UBR4: variants seen among roughly 807,000 people sequenced by gnomAD.
UBR4 encodes the protein ubiquitin protein ligase E3 component n-recognin 4, also known as E3 ubiquitin-protein ligase UBR4.
Under a neutral mutation model 575.6 loss-of-function variants are expected in UBR4, and 124 were observed. The ratio of observed to expected loss-of-function variants is 0.22; its 90% CI spans 0.19 to 0.25. UBR4 has a LOEUF of 0.25. UBR4 is among the 10% of genes least tolerant of loss of function. The probability of loss-of-function intolerance (pLI) is 1.00; values close to 1 mark genes in which losing one functional copy is unlikely to be tolerated. For missense variants in UBR4, 4,818 were observed against 6,478.8 expected (o/e 0.74, Z 8.80); for synonymous variants, 2,455 against 2,473.7 (o/e 0.99, Z 0.22).
chr1:19,145,508 GACACACAC>G (rs555050832), intron 53 of UBR4, among the ~76,000 whole-genome samples: 26,695 of 145,074 alleles, frequency 0.18, 2,885 homozygotes, highest in East Asian at 0.25. Flanking sequence ...AAACCACTGA[GACACACAC>G]ACACACACAC....
In UBR4 at chr1:19,126,608, A is replaced by C; in HGVS notation, c.9276T>G (p.Ser3092=). 8 of 1,614,084 alleles carry C rather than the reference A, an allele frequency of 5.0e-6. No homozygotes were observed. The highest frequency in any genetic ancestry group is 6.8e-6 in the Non-Finnish European group (8 of 1,180,028). ...CGTGCAGGCAGTAGTCCACAGCCCC[A>C]GAGCTCAGTAGAGCTGCTGCTGTGG... ...SSATAAALLS[S]GAVDYCLHVL... The change falls in exon 64 of 106, where the codon TCT becomes TCG. Residue 3092 remains serine, a synonymous_variant. Transcript: ENST00000375254.
Position 19,152,529 on chromosome 1 carries a change from A to G in UBR4, c.6833-53T>C. ...GAGTCTCTCCCACCTCTGCCCCAAC[A>G]CCACTGGTAAAGACTCCTCCCAGAC... On this transcript the variant is annotated intron_variant, in intron 46 of 105. Coordinates refer to ENST00000375254, the MANE Select transcript of UBR4 (RefSeq NM_020765.3). The surrounding 1 kb of genome is among the most constrained non-coding windows in gnomAD (Gnocchi z 4.4). 1.2e-6 allele frequency: 2 copies of G among 1,607,598 alleles called. No homozygotes were observed. Among genetic ancestry groups the G allele is most frequent in the Non-Finnish European group, 1.7e-6 (2 of 1,176,690 alleles).
intron 101 of UBR4, among the ~76,000 whole-genome samples, chr1:19,085,685 C>T (rs188488101): frequency 5.5e-4 from 84 of 152,286 alleles, no homozygotes; most frequent in African/African-American, 1.8e-3. Flanking sequence ...CTCACAGATG[C>T]TTTAGCTATT....
At chr1:19,165,522 A>T in intron 30 of UBR4, 134 bp downstream of exon 30, 1 of 1,079,652 alleles carries the variant, frequency 9.3e-7, no homozygotes, top group Non-Finnish European at 1.3e-6. Context: ...GTCAGCAATT[A>T]ACTCCCCAAA....
At chr1:19,163,560 C>T (rs1031187790) in intron 34 of UBR4, among the ~76,000 whole-genome samples, 29 of 152,186 alleles carry the variant, frequency 1.9e-4, no homozygotes, top group African/African-American at 6.8e-4. Flanking sequence ...AGTATATTTC[C>T]TTCCCATCAC....
intron 65 of UBR4, 42 bp from the exon 66 acceptor site, chr1:19,123,102 CTG>C (rs368882007): frequency 6.9e-6 from 11 of 1,596,328 alleles, no homozygotes; most frequent in African/African-American, 5.4e-5. Flanking sequence ...GACTCTGGGA[CTG>C]TATCTATATC....
chr1:19,126,414 C>T (rs183938472), intron 64 of UBR4, 32 bp downstream of exon 64: 94 of 1,612,548 alleles, frequency 5.8e-5, no homozygotes, highest in South Asian at 2.6e-4. Context: ...GAACAAAGGA[C>T]GAGTGTTTCT....
In UBR4 at chr1:19,183,863, T is replaced by C. The variant is rs1391226395; in HGVS notation, c.2132A>G (p.Tyr711Cys). 48 of 1,614,160 alleles carry C rather than the reference T, an allele frequency of 3.0e-5. No individual in the cohort carries two copies. Among genetic ancestry groups the C allele is most frequent in the Non-Finnish European group, 4.0e-5 (47 of 1,180,034 alleles). Residue 711 changes from tyrosine to cysteine, a missense_variant, in exon 17 of 106, where the codon TAT becomes TGT. Physicochemically the swap from Tyr to Cys is radical, Grantham distance 194. Coordinates refer to ENST00000375254, the MANE Select transcript of UBR4 (RefSeq NM_020765.3). The part of the protein sequence containing the change: ...SSDEEFAAAL[Y>C]HFNHSLVTSD... The stretch of plus-strand genomic sequence containing the variant: ...GGTTACCAGTGAGTGGTTGAAGTGA[T>C]AGAGAGCTGCAGCAAACTCTTCATC...
chr1:19,184,989 T>A (rs1571593253), intron 15 of UBR4, 110 bp downstream of exon 15: 1 of 1,347,452 alleles, frequency 7.4e-7, no homozygotes, highest in Non-Finnish European at 1.0e-6. Context: ...AAAATATCTT[T>A]AAACATTACA....
Position 19,164,917 on chromosome 1 carries a change from G to C in UBR4, c.4393C>G (p.Gln1465Glu). Residue 1465 changes from glutamine (Q) to glutamate (E), a missense_variant, in exon 32 of 106, where the codon CAG (glutamine) becomes GAG (glutamate). Coordinates refer to ENST00000375254, the MANE Select transcript of UBR4 (RefSeq NM_020765.3). Reference protein sequence around the residue: ...QLACVEPVRLQAWLTRMTTSP... With the variant: ...QLACVEPVRLEAWLTRMTTSP... ...GTAGTCATGCGGGTGAGCCAGGCCTGCAGGCGCACAGGTTCCACACAGGCC... is the reference window on the plus strand; with the variant it reads ...GTAGTCATGCGGGTGAGCCAGGCCTCCAGGCGCACAGGTTCCACACAGGCC... 2.5e-5 allele frequency: 41 copies of C among 1,614,186 alleles called. No individual in the cohort carries two copies. Among genetic ancestry groups the C allele is most frequent in the Non-Finnish European group, 3.4e-5 (40 of 1,180,032 alleles).
At position 19,192,322 on chromosome 1, in the gene UBR4, G is replaced by A; in HGVS notation, c.1260C>T (p.Leu420=). 6.2e-7 allele frequency: 1 copy of A among 1,614,128 alleles called. No homozygotes were observed. The highest frequency in any genetic ancestry group is 1.1e-5 in the South Asian group (1 of 91,066). ...ACGCAGTAGGACTGAGGTTCAGTAT[G>A]AGGAAAAGGCTGTTTAACAAGCACC... ...GAWCLLNSLF[L]ILNLSPTALA... Residue 420 remains leucine, a synonymous_variant, in exon 11 of 106, where the codon CTC becomes CTT. Transcript: ENST00000375254.
At chr1:19,142,893 G>A (rs1220418590) in intron 55 of UBR4, among the ~76,000 whole-genome samples, 2 of 151,896 alleles carry the variant, frequency 1.3e-5, no homozygotes, top group South Asian at 2.1e-4. Flanking sequence ...AGGCCGAGGC[G>A]GGCGGATCAT....
rs762991464 is a variant in UBR4, at chr1:19,179,118, T to C, written c.2287A>G (p.Ile763Val). 2 of 1,614,018 alleles carry C rather than the reference T, an allele frequency of 1.2e-6. No individual in the cohort carries two copies. The highest frequency in any genetic ancestry group is 1.7e-6 in the Non-Finnish European group (2 of 1,179,986). ...TGAGCACTGGCTTTATGTTGCCAGATGAGCAGGAGGCGTGAAAGCACAGAG... is the reference window on the plus strand; with the variant it reads ...TGAGCACTGGCTTTATGTTGCCAGACGAGCAGGAGGCGTGAAAGCACAGAG... ...SLSVLSRLLL[I>V]WQHKASAQGD... Residue 763 changes from isoleucine to valine, a missense_variant, in exon 18 of 106, where the codon ATC (isoleucine) becomes GTC (valine). Physicochemically the swap from Ile to Val is conservative, Grantham distance 29. Around this residue, in one of 29 missense-constraint regions of UBR4, gnomAD observed 1,172 missense variants for 1,259.7 expected, o/e 0.93. Coordinates refer to ENST00000375254, the MANE Select transcript of UBR4 (RefSeq NM_020765.3).
At chr1:19,098,193 C>A (rs987303616) in intron 90 of UBR4, among the ~76,000 whole-genome samples, 1 of 152,170 alleles carries the variant, frequency 6.6e-6, no homozygotes, top group Admixed American at 6.5e-5. Context: ...GAAGTGTTTC[C>A]GGCTATAGAA....
chr1:19,082,002 G>A, intron 102 of UBR4: 2 of 580,158 alleles, frequency 3.4e-6, no homozygotes, highest in Admixed American at 3.1e-5. Context: ...AGATTCCCTG[G>A]TGGGTCCACA....
intron 102 of UBR4, 92 bp from the exon 103 acceptor site, chr1:19,081,665 T>C: frequency 1.4e-6 from 2 of 1,393,434 alleles, no homozygotes; most frequent in Non-Finnish European, 2.0e-6. Flanking sequence ...TGTCGTTGTC[T>C]TGTGACATTT....
chr1:19,116,346 A>G (rs78435691), intron 73 of UBR4, among the ~76,000 whole-genome samples: 26 of 152,264 alleles, frequency 1.7e-4, no homozygotes, highest in Middle Eastern at 3.4e-3. Context: ...ACTCCACACA[A>G]TGAAAAATCA....
rs1450541616 is a variant in UBR4 at position 19,105,848 on chromosome 1, G to A, written c.12394-6C>T. On this transcript the variant is annotated splice_polypyrimidine_tract_variant and splice_region_variant and intron_variant, in intron 83 of 105. Coordinates refer to ENST00000375254, the MANE Select transcript of UBR4 (RefSeq NM_020765.3). Reference sequence around the variant, plus strand: ...GTTGCTGGAGTGAAAAGCACCTGCAGGACAGGGGAGAGAAGGGGTCGTAGA... The same window carrying A: ...GTTGCTGGAGTGAAAAGCACCTGCAAGACAGGGGAGAGAAGGGGTCGTAGA... The A allele has an allele frequency of 3.2e-6, 5 of 1,579,376 alleles. No homozygotes were observed. In the Admixed American group the frequency reaches 7.6e-5, roughly 24 times the overall value.
At chr1:19,198,410 C>A (rs2092581315) in intron 5 of UBR4, 131 bp downstream of exon 5, 1 of 1,277,264 alleles carries the variant, frequency 7.8e-7, no homozygotes. Flanking sequence ...TTGTATTCCT[C>A]AATTTCTTTT....
Sources: gnomAD v4.1 joint callset for allele counts (sites outside exome capture counted in the v4.1 genomes callset) on GRCh38, gnomAD v4.1.1 for gene constraint, gnomAD v4.1.1 regional missense constraint, Gnocchi (gnomAD v3.1) non-coding constraint, MANE v1.5 for transcripts, NCBI Gene and HGNC (gene_info 2026-07-23, HGNC 2026-07-21) for gene names.